The following THUMPD1 variants were observed in gnomAD, a reference collection of about 807,000 sequenced individuals.
THUMPD1 encodes the protein THUMP domain 1 NAT10 acetyltransferase adaptor.
Under a neutral mutation model 31.6 loss-of-function variants are expected in THUMPD1, and 31 were observed. The ratio of observed to expected loss-of-function variants is 0.98; its 90% CI spans 0.74 to 1.32. The LOEUF is 1.32. THUMPD1 is among the 40% of genes most tolerant of loss of function. The probability of loss-of-function intolerance (pLI) is 0.00; values close to 1 mark genes in which losing one functional copy is unlikely to be tolerated. For synonymous variants in THUMPD1, 166 were observed against 158.2 expected (o/e 1.05, Z -0.37); for missense variants, 446 against 427.8 (o/e 1.04, Z -0.38).
chr16:20,738,000 T>C, intron 2 of THUMPD1, 44 bp from the exon 3 acceptor site: 1 of 1,540,656 alleles, frequency 6.5e-7, no homozygotes, highest in Non-Finnish European at 8.8e-7. Context: ...CTCAGACATC[T>C]TAAAGATCGA....
At chr16:20,738,259 C>G (rs759429774) in intron 2 of THUMPD1, 58 of 478,688 alleles carry the variant, frequency 1.2e-4, no homozygotes, top group African/African-American at 1.1e-3. Flanking sequence ...TAACACCATG[C>G]TGTTGTTTTC....
At chr16:20,741,486 C>A in intron 1 of THUMPD1, 23 bp downstream of exon 1, 1 of 187,734 alleles carries the variant, frequency 5.3e-6, no homozygotes, top group Non-Finnish European at 1.1e-5. Flanking sequence ...AGCCGGCCCG[C>A]CCGCCCACCC....
chr16:20,740,776 G>A (rs2079911166), intron 1 of THUMPD1, among the ~76,000 whole-genome samples: 1 of 152,144 alleles, frequency 6.6e-6, no homozygotes, highest in Non-Finnish European at 1.5e-5. Flanking sequence ...AAGACTTTAG[G>A]TGATATTGGT....
chr16:20,741,702 C>T lies in THUMPD1; in HGVS notation c.38G>A (p.Gly13Asp), dbSNP rs1389144540. 6.3e-7 allele frequency: 1 copy of T among 1,578,488 alleles called. No individual in the cohort carries two copies. Among genetic ancestry groups the T allele is most frequent in the Non-Finnish European group, 8.6e-7 (1 of 1,162,064 alleles). The change falls in exon 1 of 4, where the codon GGC becomes GAC. Residue 13 changes from glycine to aspartate, a missense_variant. Coordinates refer to ENST00000396083, the MANE Select transcript of THUMPD1 (RefSeq NM_017736.5). Reference protein sequence around the residue: ...APAQQTTQPGGGKRKGKAQYV... With the variant: ...APAQQTTQPGDGKRKGKAQYV... ...CTGAGCCTTGCCTTTGCGCTTCCCGCCGCCAGGCTGAGTAGTCTGCTGGGC... is the reference window on the plus strand; with the variant it reads ...CTGAGCCTTGCCTTTGCGCTTCCCGTCGCCAGGCTGAGTAGTCTGCTGGGC...
At position 20,737,032 on chromosome 16, in the gene THUMPD1, T is replaced by C; in HGVS notation, c.910A>G (p.Lys304Glu). ...TTCTCTGGTACCTGCTGGTTATTTT[T>C]TCCTTCTGCTGTGTTGTTTTGGTCT... The part of the protein sequence containing the change: ...KSDQNNTAEG[K>E]NNQQVPENTE... The change falls in exon 4 of 4, where the codon AAA becomes GAA. Residue 304 changes from lysine (K) to glutamate (E), a missense_variant. Physicochemically the swap from Lys to Glu is moderately conservative, Grantham distance 56. Coordinates refer to ENST00000396083, the MANE Select transcript of THUMPD1 (RefSeq NM_017736.5). The C allele has an allele frequency of 6.2e-7, 1 of 1,614,166 alleles. No individual in the cohort carries two copies. Among genetic ancestry groups the C allele is most frequent in the Non-Finnish European group, 8.5e-7 (1 of 1,180,014 alleles).
At chr16:20,738,318 A>G (rs1246515804) in intron 2 of THUMPD1, 4 of 416,016 alleles carry the variant, frequency 9.6e-6, no homozygotes, top group African/African-American at 6.3e-5. Flanking sequence ...TACAAAAAAA[A>G]AAAAAAAAAA....
rs761118305 is a variant in THUMPD1 at position 20,739,094 on chromosome 16, C to G, written c.232-23G>C. ...AAACTGTTTGCATAAAACTAATGAG[C>G]AGAAATGACACAACAGCTCACATTT... is the stretch of plus-strand genomic sequence containing the variant. On this transcript the variant is annotated intron_variant, in intron 1 of 3. Coordinates refer to ENST00000396083, the MANE Select transcript of THUMPD1 (RefSeq NM_017736.5). 62 of 1,612,348 alleles carry G rather than the reference C, an allele frequency of 3.8e-5. 1 individual carries two copies. The South Asian group carries it at 6.4e-4, about 17-fold the overall frequency.
rs532034300 is a variant in THUMPD1 at position 20,741,344 on chromosome 16, G to A, written c.231+165C>T. On this transcript the variant is annotated intron_variant, in intron 1 of 3. Transcript: ENST00000396083. ...CAAAACCGATAGCACCGAAGTCTGC[G>A]AGCGTCTCAGGACTAGGGACGGAAA... Among the ~76,000 whole-genome samples, 126 of 152,218 alleles carry A rather than the reference G, an allele frequency of 8.3e-4. 1 individual carries two copies. The highest frequency in any genetic ancestry group is 1.4e-3 in the Non-Finnish European group (96 of 68,042).
At chr16:20,741,481 G>GGGGGGC in intron 1 of THUMPD1, 28 bp downstream of exon 1, 1 of 1,308,410 alleles carries the variant, frequency 7.6e-7, no homozygotes, top group Non-Finnish European at 9.9e-7. Context: ...CTGGCAGCCG[G>GGGGGGC]CCCGCCCGCC....
intron 1 of THUMPD1, among the ~76,000 whole-genome samples, chr16:20,741,189 G>C (rs1395017678): frequency 6.6e-6 from 1 of 152,166 alleles, no homozygotes. Context: ...AGGCTTCCCT[G>C]AGCTATCATC....
chr16:20,737,502 G>C (rs998780616), intron 3 of THUMPD1, among the ~76,000 whole-genome samples: 1 of 151,914 alleles, frequency 6.6e-6, no homozygotes, highest in Non-Finnish European at 1.5e-5. Context: ...ATTCAATTTC[G>C]AGTTAAAAAA....
At chr16:20,741,477 G>GCCGGGGGGGGGGGCCCCCCCCCCCCCCC in intron 1 of THUMPD1, 32 bp downstream of exon 1, 1 of 1,378,122 alleles carries the variant, frequency 7.3e-7, no homozygotes, top group Non-Finnish European at 9.6e-7. Flanking sequence ...AGGCCTGGCA[G>GCCGGGGGGGGGGGCCCCCCCCCCCCCCC]CCGGCCCGCC....
In THUMPD1 at chr16:20,741,534, C is replaced by A; in HGVS notation, c.206G>T (p.Gly69Val). 1 of 1,372,172 alleles carries A rather than the reference C, an allele frequency of 7.3e-7. No homozygotes were observed. Among genetic ancestry groups the A allele is most frequent in the Non-Finnish European group, 9.7e-7 (1 of 1,033,324 alleles). 85.0% of individuals were successfully genotyped at this position (1,372,172 alleles called of 1,614,324 possible). The change falls in exon 1 of 4, where the codon GGC becomes GTC. Residue 69 changes from glycine to valine, a missense_variant. By Grantham distance (109) the Gly-to-Val change is moderately radical. Transcript: ENST00000396083. ...CTTTTCTGGCCCATACATGTCGTCGCCGTATTCGTTGAGGAGGCTGTAGGC... is the reference window on the plus strand; with the variant it reads ...CTTTTCTGGCCCATACATGTCGTCGACGTATTCGTTGAGGAGGCTGTAGGC... Reference protein sequence around the residue: ...EEAYSLLNEYGDDMYGPEKFT... With the variant: ...EEAYSLLNEYVDDMYGPEKFT...
At chr16:20,739,783 T>C (rs564293412) in intron 1 of THUMPD1, among the ~76,000 whole-genome samples, 5 of 150,150 alleles carry the variant, frequency 3.3e-5, no homozygotes, top group South Asian at 2.1e-4. Flanking sequence ...ATTGCACCAC[T>C]GCACTCCAGC....
chr16:20,739,084 A>T lies in THUMPD1; in HGVS notation c.232-13T>A. Reference sequence around the variant, plus strand: ...CCTTGTCTGTAAACTGTTTGCATAAAACTAATGAGCAGAAATGACACAACA... The same window carrying T: ...CCTTGTCTGTAAACTGTTTGCATAATACTAATGAGCAGAAATGACACAACA... On this transcript the variant is annotated splice_polypyrimidine_tract_variant and intron_variant, in intron 1 of 3. Transcript: ENST00000396083. 1 of 1,613,910 alleles carries T rather than the reference A, an allele frequency of 6.2e-7. No homozygotes were observed. Among genetic ancestry groups the T allele is most frequent in the African/African-American group, 1.3e-5 (1 of 75,042 alleles).
chr16:20,737,059 A>T lies in THUMPD1; in HGVS notation c.883T>A (p.Ser295Thr). 6.2e-7 allele frequency: 1 copy of T among 1,614,024 alleles called. No individual in the cohort carries two copies. The highest frequency in any genetic ancestry group is 8.5e-7 in the Non-Finnish European group (1 of 1,179,988). ...KEAKLESADK[S>T]DQNNTAEGKN... ...CCTTCTGCTGTGTTGTTTTGGTCTGATTTGTCCGCAGATTCCAGTTTAGCT... is the reference window on the plus strand; with the variant it reads ...CCTTCTGCTGTGTTGTTTTGGTCTGTTTTGTCCGCAGATTCCAGTTTAGCT... Residue 295 changes from serine to threonine, a missense_variant, in exon 4 of 4, where the codon TCA (serine) becomes ACA (threonine). By Grantham distance (58) the Ser-to-Thr change is moderately conservative. Transcript: ENST00000396083.
rs1339745468 is a variant in THUMPD1 at position 20,737,027 on chromosome 16, A to G, written c.915T>C (p.Asn305=). Residue 305 remains asparagine, a synonymous_variant, in exon 4 of 4, where the codon AAT becomes AAC. Coordinates refer to ENST00000396083, the MANE Select transcript of THUMPD1 (RefSeq NM_017736.5). ...SDQNNTAEGK[N]NQQVPENTEE... The stretch of plus-strand genomic sequence containing the variant: ...CAGTATTCTCTGGTACCTGCTGGTT[A>G]TTTTTTCCTTCTGCTGTGTTGTTTT... 6.2e-7 allele frequency: 1 copy of G among 1,613,852 alleles called. No individual in the cohort carries two copies. The highest frequency in any genetic ancestry group is 1.7e-5 in the Admixed American group (1 of 59,992).
chr16:20,741,481 G>GGGGGGGGGGGGGGGCCCCCCCCCCCCC, intron 1 of THUMPD1, 28 bp downstream of exon 1: 1 of 1,308,412 alleles, frequency 7.6e-7, no homozygotes, highest in Non-Finnish European at 9.9e-7. Flanking sequence ...CTGGCAGCCG[G>GGGGGGGGGGGGGGGCCCCCCCCCCCCC]CCCGCCCGCC....
chr16:20,737,381 G>C (rs2079880285), intron 3 of THUMPD1, 95 bp from the exon 4 acceptor site: 3 of 1,278,482 alleles, frequency 2.3e-6, no homozygotes, highest in Non-Finnish European at 3.2e-6. Context: ...GTTAAAACAA[G>C]ACATACAGTA....
Sources: gnomAD v4.1 joint callset for allele counts (sites outside exome capture counted in the v4.1 genomes callset) on GRCh38, gnomAD v4.1.1 for gene constraint, MANE v1.5 for transcripts, NCBI Gene and HGNC (gene_info 2026-07-23, HGNC 2026-07-21) for gene names.